Variants in TMEM132E observed in about 807,000 individuals in gnomAD.
TMEM132E encodes transmembrane protein 132E.
TMEM132E carries 49 observed loss-of-function variants against 78.5 expected under a neutral mutation model. The ratio of observed to expected loss-of-function variants is 0.62; its 90% CI spans 0.50 to 0.79. TMEM132E has a LOEUF of 0.79. Ranked by LOEUF, TMEM132E falls within the 30% of genes least tolerant of loss-of-function variation. TMEM132E has a pLI of 0.00. For missense variants in TMEM132E, 1,403 were observed against 1,470.9 expected (o/e 0.95, Z 0.75); for synonymous variants, 715 against 670.6 (o/e 1.07, Z -1.02).
chr17:34,614,800 C>G (rs1246610808), intron 1 of TMEM132E: 3 of 152,312 alleles, frequency 2.0e-5, no homozygotes, highest in Non-Finnish European at 4.4e-5. Flanking sequence ...AGTCCCTGCC[C>G]CTAGAGGTCC....
At chr17:34,637,073 A>G in intron 8 of TMEM132E, 104 bp from the exon 9 acceptor site, 1 of 972,414 alleles carries the variant, frequency 1.0e-6, no homozygotes, top group South Asian at 1.6e-5. Context: ...TACAGCAGGG[A>G]GCCAGAGACC....
chr17:34,628,574 A>G lies in TMEM132E; in HGVS notation c.1010A>G (p.Lys337Arg). Residue 337 changes from lysine to arginine, a missense_variant, in exon 3 of 9, where the codon AAG becomes AGG. Lys to Arg is a conservative substitution (Grantham distance 26). Transcript: ENST00000631683. ...VEHFTLRVKA[K>R]KGVTLLGTKS... ...CCACTTTGTCCCAGGGTGAAGGCCA[A>G]GAAGGGTGTGACCCTTTTAGGTACC... 5 of 1,613,938 alleles carry G rather than the reference A, an allele frequency of 3.1e-6. No homozygotes were observed. The highest frequency in any genetic ancestry group is 4.2e-6 in the Non-Finnish European group (5 of 1,179,936).
At chr17:34,593,285 T>C (rs1567711595) in intron 1 of TMEM132E, among the ~76,000 whole-genome samples, 1 of 152,172 alleles carries the variant, frequency 6.6e-6, no homozygotes, top group African/African-American at 2.4e-5. Flanking sequence ...AATAAAAACG[T>C]GTAATCAGTA....
At chr17:34,602,134 A>T (rs1019434940) in intron 1 of TMEM132E, among the ~76,000 whole-genome samples, 16 of 152,318 alleles carry the variant, frequency 1.1e-4, no homozygotes, top group African/African-American at 3.8e-4. Flanking sequence ...TACCCAAAAA[A>T]TGGGGGAGGC....
chr17:34,592,710 G>GCATA (rs1905916833), intron 1 of TMEM132E, among the ~76,000 whole-genome samples: 1 of 152,212 alleles, frequency 6.6e-6, no homozygotes, highest in Non-Finnish European at 1.5e-5. Flanking sequence ...CACTCCGCCT[G>GCATA]ACACTGTCAG....
intron 1 of TMEM132E, among the ~76,000 whole-genome samples, chr17:34,609,715 G>A (rs1906527335): frequency 6.6e-6 from 1 of 152,190 alleles, no homozygotes; most frequent in South Asian, 2.1e-4. Context: ...TACAAGTATA[G>A]GATCTATTAT....
In TMEM132E at chr17:34,635,989, G is replaced by A. The variant is rs181766009; in HGVS notation, c.1978-18G>A. ...TGCTTTCCTGGTTCTCTCCCACCCCGGTCCCGCTCTGCCTCAGGTGGTGTC... is the reference window on the plus strand; with the variant it reads ...TGCTTTCCTGGTTCTCTCCCACCCCAGTCCCGCTCTGCCTCAGGTGGTGTC... On this transcript the variant is annotated intron_variant, in intron 7 of 8. Transcript: ENST00000631683. 91 of 1,399,980 alleles carry A rather than the reference G, an allele frequency of 6.5e-5. No individual in the cohort carries two copies. The African/African-American group carries it at 9.7e-4, about 15-fold the overall frequency. The allele number at this position is 1,399,980 out of a possible 1,614,324, so 86.7% of individuals were successfully genotyped here.
intron 1 of TMEM132E, among the ~76,000 whole-genome samples, chr17:34,583,446 C>T (rs1371482861): frequency 6.6e-6 from 1 of 152,308 alleles, no homozygotes; most frequent in East Asian, 1.9e-4. Context: ...GAAATCCCCC[C>T]ACAATAAAAC....
chr17:34,612,156 G>A (rs1264985247), intron 1 of TMEM132E, among the ~76,000 whole-genome samples: 1 of 152,162 alleles, frequency 6.6e-6, no homozygotes, highest in East Asian at 1.9e-4. Flanking sequence ...GCTCAGGAAG[G>A]GGGCTGTCCT....
At chr17:34,635,111 A>C (rs1567722242) in intron 7 of TMEM132E, 24 bp downstream of exon 7, 2 of 1,583,142 alleles carry the variant, frequency 1.3e-6, no homozygotes, top group Non-Finnish European at 8.6e-7. Context: ...CTGTCCCAGC[A>C]CAAAGGGGCA....
In TMEM132E at chr17:34,626,473, G is replaced by T; in HGVS notation, c.414G>T (p.Ser138=). The change falls in exon 2 of 9, where the codon TCG becomes TCT. Residue 138 remains serine (S), a synonymous_variant. Transcript: ENST00000631683. ...TCGTCCGCTCGCACGTGCCCGCCTC[G>T]CAGCCCGTGGTCCAGGTGCTGTTCT... ...AFIVRSHVPA[S]QPVVQVLFYV... The T allele has an allele frequency of 6.2e-7, 1 of 1,612,674 alleles. No homozygotes were observed. Among genetic ancestry groups the T allele is most frequent in the Non-Finnish European group, 8.5e-7 (1 of 1,179,784 alleles).
intron 1 of TMEM132E, among the ~76,000 whole-genome samples, chr17:34,590,295 T>C (rs2142051608): frequency 6.6e-6 from 1 of 151,320 alleles, no homozygotes; most frequent in African/African-American, 2.4e-5. Context: ...TCTCTTGGCT[T>C]GGTCCCGACA....
intron 1 of TMEM132E, among the ~76,000 whole-genome samples, chr17:34,586,664 A>T (rs1043788308): frequency 6.6e-6 from 1 of 151,516 alleles, no homozygotes; most frequent in Non-Finnish European, 1.5e-5. Context: ...CTTCCCACCC[A>T]CTCTCTGCCA....
chr17:34,628,810 G>C, intron 3 of TMEM132E, 101 bp downstream of exon 3: 1 of 1,438,114 alleles, frequency 7.0e-7, no homozygotes, highest in African/African-American at 1.4e-5. Context: ...GGAGGGCTGG[G>C]GCTCGGTCAT....
Position 34,629,071 on chromosome 17 carries a change from G to C in TMEM132E, c.1205G>C (p.Ser402Thr). The change falls in exon 4 of 9, where the codon AGC (serine) becomes ACC (threonine). Residue 402 changes from serine to threonine, a missense_variant. By Grantham distance (58) the Ser-to-Thr change is moderately conservative. Coordinates refer to ENST00000631683, the MANE Select transcript of TMEM132E (RefSeq NM_001304438.2). ...GACTTTGAAATGGAGAACTTCACCA[G>C]CCAGTCAGTCAAGCGGAGGATCATG... ...QLDFEMENFT[S>T]QSVKRRIMWH... The C allele has an allele frequency of 6.2e-7, 1 of 1,602,148 alleles. No individual in the cohort carries two copies. Among genetic ancestry groups the C allele is most frequent in the East Asian group, 2.2e-5 (1 of 44,480 alleles).
intron 6 of TMEM132E, among the ~76,000 whole-genome samples, 156 bp downstream of exon 6, chr17:34,633,065 T>C (rs977639803): frequency 2.6e-5 from 4 of 152,236 alleles, no homozygotes; most frequent in African/African-American, 9.6e-5. Flanking sequence ...AGCTACTGTG[T>C]GCTAGGCACT....
At chr17:34,629,452 T>A (rs890596440) in intron 4 of TMEM132E, among the ~76,000 whole-genome samples, 6 of 151,786 alleles carry the variant, frequency 4.0e-5, no homozygotes, top group Non-Finnish European at 7.4e-5. Flanking sequence ...GGACCACTGA[T>A]GGGAAGTTTG....
rs1417473816 is a variant in TMEM132E, at chr17:34,637,359, C to T, written c.2352C>T (p.Arg784=). 2 of 1,613,982 alleles carry T rather than the reference C, an allele frequency of 1.2e-6. No homozygotes were observed. The highest frequency in any genetic ancestry group is 2.2e-5 in the East Asian group (1 of 44,888). ...CCGAGGGGTCAGGGGAGCTGCTTCG[C>T]GCAGAGCTAACCATCGCTGAGAGCT... The part of the protein sequence containing the change: ...AEAEGSGELL[R]AELTIAESCQ... The change falls in exon 9 of 9, where the codon CGC becomes CGT. Residue 784 remains arginine, a synonymous_variant. Coordinates refer to ENST00000631683, the MANE Select transcript of TMEM132E (RefSeq NM_001304438.2).
At position 34,637,525 on chromosome 17, in the gene TMEM132E, C is replaced by T. The variant is rs778079863; in HGVS notation, c.2518C>T (p.Arg840Trp). The change falls in exon 9 of 9, where the codon CGG (arginine) becomes TGG (tryptophan). Residue 840 changes from arginine to tryptophan, a missense_variant. Physicochemically the swap from Arg to Trp is moderately radical, Grantham distance 101 (BLOSUM62 -3). Transcript: ENST00000631683. ...PGPGGGEDEARGAGPPGSALP... is the reference protein window; with the variant it reads ...PGPGGGEDEAWGAGPPGSALP... The stretch of plus-strand genomic sequence containing the variant: ...GCCCGGCGGGGGCGAGGACGAGGCC[C>T]GGGGAGCTGGCCCGCCGGGCTCTGC... 3 of 1,600,170 alleles carry T rather than the reference C, an allele frequency of 1.9e-6. No homozygotes were observed. Among genetic ancestry groups the T allele is most frequent in the Non-Finnish European group, 2.6e-6 (3 of 1,174,628 alleles).
Sources: gnomAD v4.1 joint callset for allele counts (sites outside exome capture counted in the v4.1 genomes callset) on GRCh38, gnomAD v4.1.1 for gene constraint, MANE v1.5 for transcripts, NCBI Gene and HGNC (gene_info 2026-07-23, HGNC 2026-07-21) for gene names.